EPB41: variants seen among roughly 807,000 people sequenced by gnomAD.
EPB41 encodes the protein erythrocyte membrane protein band 4.1, also known as protein 4.1.
In EPB41, 65 loss-of-function variants were observed where a neutral mutation model predicts 108.0. The observed-to-expected ratio is 0.60, with a 90% CI of 0.49 to 0.74. EPB41 has a LOEUF of 0.74. EPB41 is among the 30% of genes least tolerant of loss of function. The probability of loss-of-function intolerance (pLI) is 0.00; values close to 1 mark genes in which losing one functional copy is unlikely to be tolerated. For missense variants in EPB41, 875 were observed against 1,037.0 expected, an observed-to-expected ratio of 0.84 and a Z score of 2.15; for synonymous variants, 336 against 358.9, an observed-to-expected ratio of 0.94 and a Z score of 0.72.
At chr1:28,999,107 ACG>A (rs1247262648) in intron 4 of EPB41, among the ~76,000 whole-genome samples, 1 of 152,240 alleles carries the variant, frequency 6.6e-6, no homozygotes, top group African/African-American at 2.4e-5. Flanking sequence ...GTGGTGGCTC[ACG>A]CCTGTAATCC....
intron 16 of EPB41, among the ~76,000 whole-genome samples, chr1:29,095,855 G>T (rs1387771351): frequency 6.6e-6 from 1 of 152,124 alleles, no homozygotes; most frequent in African/African-American, 2.4e-5. Flanking sequence ...ATTTAGGAAT[G>T]ACAAAGTAAC....
At chr1:29,105,368 G>A (rs1414784966) in intron 17 of EPB41, among the ~76,000 whole-genome samples, 1 of 151,712 alleles carries the variant, frequency 6.6e-6, no homozygotes, top group African/African-American at 2.4e-5. Context: ...CTCCTGAGTA[G>A]CCAGGATTAC....
At position 29,067,614 on chromosome 1, in the gene EPB41, C is replaced by T. The variant is rs1228183779; in HGVS notation, c.2184+2456C>T. Among the ~76,000 whole-genome samples, 9 of 146,212 alleles carry T rather than the reference C, an allele frequency of 6.2e-5. 1 individual carries two copies. Among genetic ancestry groups the T allele is most frequent in the Admixed American group, 6.1e-4 (9 of 14,830 alleles). On this transcript the variant is annotated intron_variant, in intron 16 of 20. Transcript: ENST00000343067. ...CCCAGGAGGCAGAGATTGCAGTGAG[C>T]CGAGATCGCGCCACTGCACTCCAGC... is the stretch of plus-strand genomic sequence containing the variant.
At chr1:29,015,391 C>T (rs985725008) in intron 5 of EPB41, among the ~76,000 whole-genome samples, 4 of 151,752 alleles carry the variant, frequency 2.6e-5, no homozygotes, top group Non-Finnish European at 5.9e-5. Flanking sequence ...AATCCTGTCT[C>T]TACTAAAAAT....
chr1:29,110,181 A>AC (rs1252650749), intron 18 of EPB41, among the ~76,000 whole-genome samples: 1 of 57,364 alleles, frequency 1.7e-5, no homozygotes, highest in African/African-American at 4.7e-5. Context: ...ACAAAAAAAT[A>AC]CAAAAAAAAA....
At chr1:29,015,479 C>A (rs2096565634) in intron 5 of EPB41, among the ~76,000 whole-genome samples, 2 of 151,948 alleles carry the variant, frequency 1.3e-5, no homozygotes, top group Non-Finnish European at 2.9e-5. Context: ...ATCGCTTGAA[C>A]CTGGGAGGTG....
At chr1:29,103,763 G>A (rs1408838279) in intron 17 of EPB41, among the ~76,000 whole-genome samples, 1 of 152,132 alleles carries the variant, frequency 6.6e-6, no homozygotes, top group African/African-American at 2.4e-5. Context: ...CACCTCCCAG[G>A]TTCAAGCAAT....
intron 1 of EPB41, chr1:28,890,906 T>C (rs1230905809): frequency 1.0e-6 from 1 of 985,276 alleles, no homozygotes; most frequent in Non-Finnish European, 1.2e-6. Context: ...CCCTTACCTG[T>C]GGAACTGTTT....
intron 1 of EPB41, among the ~76,000 whole-genome samples, chr1:28,985,398 G>T (rs545255216): frequency 1.2e-4 from 19 of 152,248 alleles, no homozygotes; most frequent in Non-Finnish European, 2.2e-4. Flanking sequence ...AGACATTTTA[G>T]CTGGAGAGAG....
At chr1:28,999,827 A>G (rs1294687897) in intron 4 of EPB41, among the ~76,000 whole-genome samples, 4 of 151,890 alleles carry the variant, frequency 2.6e-5, no homozygotes, top group African/African-American at 4.8e-5. Flanking sequence ...TCTGTTGCCT[A>G]TGCTAGAGTG....
intron 17 of EPB41, among the ~76,000 whole-genome samples, chr1:29,108,618 C>T (rs901986804): frequency 2.8e-4 from 42 of 151,540 alleles, no homozygotes; most frequent in Non-Finnish European, 2.4e-4. Flanking sequence ...AGTACAGTGG[C>T]GGGATCTTGG....
chr1:29,014,230 T>A (rs998035625), intron 5 of EPB41, among the ~76,000 whole-genome samples: 3 of 151,978 alleles, frequency 2.0e-5, no homozygotes, highest in Non-Finnish European at 4.4e-5. Context: ...GGCAGGAGAA[T>A]TGTTTGAACC....
intron 16 of EPB41, among the ~76,000 whole-genome samples, chr1:29,073,954 C>T (rs1427456439): frequency 6.6e-6 from 1 of 152,166 alleles, no homozygotes. Context: ...AATTCACTTT[C>T]TCCTAGTTTC....
intron 3 of EPB41, among the ~76,000 whole-genome samples, chr1:28,995,522 A>C (rs1483079133): frequency 6.6e-6 from 1 of 152,236 alleles, no homozygotes; most frequent in Non-Finnish European, 1.5e-5. Context: ...AGATCACACC[A>C]CTGCACTCCA....
At chr1:29,030,892 G>A (rs553532122) in intron 8 of EPB41, among the ~76,000 whole-genome samples, 18 of 151,750 alleles carry the variant, frequency 1.2e-4, no homozygotes, top group African/African-American at 3.4e-4. Flanking sequence ...GCATGATCTC[G>A]GCTCACTGCA....
chr1:29,008,571 C>T (rs1486267014), intron 4 of EPB41, among the ~76,000 whole-genome samples: 2 of 152,172 alleles, frequency 1.3e-5, no homozygotes, highest in Non-Finnish European at 2.9e-5. Context: ...TTATATTCTG[C>T]TGGACCACAG....
chr1:28,958,882 C>T (rs2985317), intron 1 of EPB41, among the ~76,000 whole-genome samples: 3 of 148,984 alleles, frequency 2.0e-5, no homozygotes, highest in African/African-American at 7.4e-5. Context: ...TTAAGCAAAG[C>T]TGTCCAATAT....
intron 12 of EPB41, among the ~76,000 whole-genome samples, chr1:29,057,664 A>T (rs1011532952): frequency 1.3e-5 from 2 of 152,162 alleles, no homozygotes; most frequent in Non-Finnish European, 2.9e-5. Context: ...AAAATAATCA[A>T]TTTTTTAATT....
Position 29,021,586 on chromosome 1 carries a change from T to C in EPB41, c.1124+3144T>C, listed in dbSNP as rs1488265600. On this transcript the variant is annotated intron_variant, in intron 7 of 20. Transcript: ENST00000343067. ...GAGCTGAATTGGCCATCTTTTTTTT[T>C]CTTTTTTTTTTTTTGAGACGGAGGC... Among the ~76,000 whole-genome samples the C allele has an allele frequency of 3.3e-5, 5 of 151,806 alleles. No homozygotes were observed. The East Asian group carries it at 7.7e-4, about 23-fold the overall frequency.
Sources: gnomAD v4.1 joint callset for allele counts (sites outside exome capture counted in the v4.1 genomes callset) on GRCh38, gnomAD v4.1.1 for gene constraint, MANE v1.5 for transcripts, NCBI Gene and HGNC (gene_info 2026-07-23, HGNC 2026-07-21) for gene names.